The following KALRN variants were observed in gnomAD, a reference collection of about 807,000 sequenced individuals.
KALRN encodes kalirin.
In KALRN, 70 loss-of-function variants were observed where a neutral mutation model predicts 353.7. The observed-to-expected ratio is 0.20, with a 90% CI of 0.16 to 0.24. The LOEUF is 0.24. Ranked by LOEUF, KALRN falls within the 10% of genes least tolerant of loss-of-function variation. The probability of loss-of-function intolerance (pLI) is 1.00; values close to 1 mark genes in which losing one functional copy is unlikely to be tolerated. For synonymous variants in KALRN, 1,391 were observed against 1,434.8 expected, an observed-to-expected ratio of 0.97 and a Z score of 0.69; for missense variants, 2,791 against 3,756.7, an observed-to-expected ratio of 0.74 and a Z score of 6.72.
chr3:124,657,144 A>G (rs559592418), intron 39 of KALRN, among the ~76,000 whole-genome samples: 6 of 152,348 alleles, frequency 3.9e-5, no homozygotes, highest in African/African-American at 1.4e-4. Flanking sequence ...TCTAGTTCTG[A>G]GCCTTTATAG....
At chr3:124,146,044 C>G (rs1440877155) in intron 1 of KALRN, among the ~76,000 whole-genome samples, 1 of 152,218 alleles carries the variant, frequency 6.6e-6, no homozygotes, top group Non-Finnish European at 1.5e-5. Context: ...CATGAGGCAT[C>G]TGGTTCTGAG....
At chr3:124,478,668 C>A (rs2061660093) in intron 27 of KALRN, among the ~76,000 whole-genome samples, 1 of 152,202 alleles carries the variant, frequency 6.6e-6, no homozygotes, top group South Asian at 2.1e-4. Flanking sequence ...ATGCCCTCTG[C>A]CACCATTACC....
chr3:124,224,349 A>G (rs952871155), intron 1 of KALRN, among the ~76,000 whole-genome samples: 7 of 151,524 alleles, frequency 4.6e-5, no homozygotes, highest in Non-Finnish European at 2.9e-5. Flanking sequence ...CAGAAAATAC[A>G]CTAATACTAA....
chr3:124,584,816 G>A lies in KALRN; in HGVS notation c.5182+21727G>A, dbSNP rs766114510. 3 of 1,601,810 alleles carry A rather than the reference G, an allele frequency of 1.9e-6. No individual in the cohort carries two copies. In the South Asian group the frequency reaches 3.4e-5, roughly 18 times the overall value. On this transcript the variant is annotated intron_variant, in intron 34 of 59. Transcript: ENST00000682506. ...CCATGCGGGAGCGCTGGGGCGGCGG[G>A]GCAACATGAAGGGCGGCGACAGGGC...
intron 1 of KALRN, among the ~76,000 whole-genome samples, chr3:124,054,357 T>TTAAAAA (rs58523343): frequency 0.049 from 6,652 of 136,968 alleles, 398 homozygotes; most frequent in African/African-American, 0.14. Flanking sequence ...ACCCCATCAC[T>TTAAAAA]TAAAAATAAA....
At chr3:124,072,794 G>A (rs898172409) in intron 1 of KALRN, among the ~76,000 whole-genome samples, 3 of 152,238 alleles carry the variant, frequency 2.0e-5, no homozygotes, top group African/African-American at 4.8e-5. Flanking sequence ...ATTGCTCTGA[G>A]TTCAATTTAG....
At chr3:124,130,498 T>C (rs752178068) in intron 1 of KALRN, among the ~76,000 whole-genome samples, 4 of 152,188 alleles carry the variant, frequency 2.6e-5, no homozygotes, top group Non-Finnish European at 5.9e-5. Context: ...ATATCAAGTT[T>C]TGTTGAGACT....
chr3:124,244,166 T>C (rs1468691913), intron 3 of KALRN, among the ~76,000 whole-genome samples: 1 of 152,238 alleles, frequency 6.6e-6, no homozygotes, highest in Non-Finnish European at 1.5e-5. Flanking sequence ...TTAAGAGTTT[T>C]TTAAAGCTCT....
intron 34 of KALRN, among the ~76,000 whole-genome samples, chr3:124,573,256 C>T (rs2073747334): frequency 6.6e-6 from 1 of 152,126 alleles, no homozygotes; most frequent in East Asian, 1.9e-4. Context: ...GAGCAAGACT[C>T]CATTTCTAAA....
chr3:124,495,978 T>TGTATATATATATATATATATAC (rs1561136282), intron 32 of KALRN, among the ~76,000 whole-genome samples: 2 of 26,520 alleles, frequency 7.5e-5, no homozygotes, highest in African/African-American at 1.8e-4. Context: ...TATATATATA[T>TGTATATATATATATATATATAC]ATATATATAT....
Position 124,413,577 on chromosome 3 carries a change from A to G in KALRN, c.2454A>G (p.Glu818=). ...AACAGCGGCTGCAGCGCCACACAGAACGGAAGCTAGCCATGAACAACATGA... is the reference window on the plus strand; with the variant it reads ...AACAGCGGCTGCAGCGCCACACAGAGCGGAAGCTAGCCATGAACAACATGA... ...LAEQRLQRHT[E]RKLAMNNMTF... Residue 818 remains glutamate (E), a synonymous_variant, in exon 14 of 60, where the codon GAA becomes GAG. Coordinates refer to ENST00000682506, the MANE Select transcript of KALRN (RefSeq NM_001388419.1). 6.2e-7 allele frequency: 1 copy of G among 1,614,124 alleles called. No homozygotes were observed. The highest frequency in any genetic ancestry group is 8.5e-7 in the Non-Finnish European group (1 of 1,180,018).
chr3:124,049,127 C>A (rs1481920713), intron 1 of KALRN, among the ~76,000 whole-genome samples: 1 of 152,156 alleles, frequency 6.6e-6, no homozygotes, highest in Non-Finnish European at 1.5e-5. Context: ...CCATTCTTGA[C>A]CTGTTTTTCA....
At chr3:124,107,577 C>G (rs1325047488) in intron 1 of KALRN, among the ~76,000 whole-genome samples, 1 of 152,226 alleles carries the variant, frequency 6.6e-6, no homozygotes, top group Non-Finnish European at 1.5e-5. Context: ...TTCTCCTTAA[C>G]TGCTGCCTCA....
At chr3:124,319,447 T>TG (rs2079103950) in intron 6 of KALRN, among the ~76,000 whole-genome samples, 1 of 151,330 alleles carries the variant, frequency 6.6e-6, no homozygotes, top group South Asian at 2.1e-4. Context: ...AAGTAGGAGG[T>TG]TGAACATAAG....
chr3:124,103,974 A>G (rs115134807), intron 1 of KALRN, among the ~76,000 whole-genome samples: 1,639 of 151,870 alleles, frequency 0.011, 28 homozygotes, highest in African/African-American at 0.036. Context: ...GAGAGAGAGA[A>G]AAAAAAAGAA....
intron 1 of KALRN, among the ~76,000 whole-genome samples, chr3:124,221,511 G>C (rs1447119107): frequency 1.3e-5 from 2 of 152,216 alleles, no homozygotes; most frequent in South Asian, 4.1e-4. Flanking sequence ...AGGAGTGATA[G>C]ATTATAAAGT....
intron 9 of KALRN, among the ~76,000 whole-genome samples, chr3:124,339,519 A>G (rs1354306998): frequency 6.6e-6 from 1 of 152,192 alleles, no homozygotes; most frequent in Non-Finnish European, 1.5e-5. Context: ...TGGTGCCTGC[A>G]TGCTCTCCAG....
chr3:124,496,489 G>T (rs1183013229), intron 33 of KALRN, 76 bp downstream of exon 33: 3 of 1,074,928 alleles, frequency 2.8e-6, no homozygotes, highest in African/African-American at 3.1e-5. Context: ...TACCCCTAGA[G>T]AATTTCTCTC....
chr3:124,593,710 AG>A (rs929225276), intron 34 of KALRN, among the ~76,000 whole-genome samples: 2 of 152,180 alleles, frequency 1.3e-5, no homozygotes, highest in African/African-American at 4.8e-5. Context: ...TTGCTTTCAC[AG>A]GGGTGTCAGG....
Sources: allele counts gnomAD v4.1 joint callset (sites outside exome capture counted in the v4.1 genomes callset), GRCh38; gene constraint gnomAD v4.1.1; transcripts MANE v1.5; gene names NCBI Gene and HGNC (gene_info 2026-07-23, HGNC 2026-07-21).